Variants in XXYLT1 observed in about 807,000 individuals in gnomAD.
XXYLT1 encodes the protein xyloside xylosyltransferase 1, also known as UDP-xylose:alpha-xyloside alpha-1,3-xylosyltransferase.
A neutral mutation model predicts 28.9 loss-of-function variants in XXYLT1; 20 were observed. The ratio of observed to expected loss-of-function variants is 0.69; its 90% confidence interval spans 0.49 to 1.00. XXYLT1 has a LOEUF of 1.00. Ranked by LOEUF, XXYLT1 falls within the 50% of genes least tolerant of loss-of-function variation. XXYLT1 has a pLI of 0.00. For synonymous variants in XXYLT1, 257 were observed against 253.8 expected, an observed-to-expected ratio of 1.01 and a Z score of -0.12; for missense variants, 542 against 560.1, an observed-to-expected ratio of 0.97 and a Z score of 0.33.
chr3:195,098,739 A>T (rs9853846), intron 3 of XXYLT1, among the ~76,000 whole-genome samples: 78,936 of 152,040 alleles, frequency 0.52, 22,136 homozygotes, highest in East Asian at 0.96. Context: ...TTTTTTTCCT[A>T]TGGGTTCTGA....
chr3:195,082,586 C>T (rs1416309949), intron 3 of XXYLT1, among the ~76,000 whole-genome samples: 1 of 152,196 alleles, frequency 6.6e-6, no homozygotes, highest in Non-Finnish European at 1.5e-5. Flanking sequence ...GGCACGGTGG[C>T]TCACGCCTGT....
chr3:195,150,130 A>G lies in XXYLT1; in HGVS notation c.785+6319T>C, dbSNP rs766828014. ...AGAACTTATCAGTGGCCAAGCTGGG[A>G]CTGTGGATAACGCTGCCACCACCAC... On this transcript the variant is annotated intron_variant, in intron 3 of 3. Transcript: ENST00000310380. The surrounding 1 kb of genome is among the most constrained non-coding windows in gnomAD (Gnocchi z 4.7). Among the ~76,000 whole-genome samples, 12 of 152,010 alleles carry G rather than the reference A, an allele frequency of 7.9e-5. No individual in the cohort carries two copies. The highest frequency in any genetic ancestry group is 1.3e-4 in the Non-Finnish European group (9 of 68,032).
rs767858733 is a variant in XXYLT1, at chr3:195,103,308, A to ACCAGCGACCTGCGTCCATCACCCCACG, written c.786-33224_786-33198dup. ...CAGGAGTGCAGGAATGCACCCCCAC[A>ACCAGCGACCTGCGTCCATCACCCCACG]CCAGCGACCTGCGTCCATCACCCCA... On this transcript the variant is annotated intron_variant, in intron 3 of 3. Transcript: ENST00000310380. 1.5e-3 allele frequency among the ~76,000 whole-genome samples: 189 copies of ACCAGCGACCTGCGTCCATCACCCCACG among 128,788 alleles called. 1 individual carries two copies. Among genetic ancestry groups the ACCAGCGACCTGCGTCCATCACCCCACG allele is most frequent in the Admixed American group, 2.2e-3 (26 of 12,044 alleles). 84.5% of individuals were successfully genotyped at this position (128,788 alleles called of 152,430 possible). A position where few individuals can be genotyped will look rare whatever the true frequency, so the allele number is the denominator to read the frequency against.
chr3:195,196,343 C>T (rs1722623368), intron 2 of XXYLT1, among the ~76,000 whole-genome samples: 1 of 152,230 alleles, frequency 6.6e-6, no homozygotes, highest in Non-Finnish European at 1.5e-5. Context: ...GGGCAAGATG[C>T]TCCCTAGCCC....
rs1293278581 is a variant in XXYLT1, at chr3:195,256,125, C to T, written c.504+14430G>A. Among the ~76,000 whole-genome samples the T allele has an allele frequency of 1.3e-5, 2 of 152,206 alleles. No homozygotes were observed. Among genetic ancestry groups the T allele is most frequent in the African/African-American group, 4.8e-5 (2 of 41,452 alleles). ...ATTCCTGGCTTTGGAGGGACAAGAA[C>T]AAACCGCCAAAATCAACAGGCATCG... On this transcript the variant is annotated intron_variant, in intron 1 of 3. Transcript: ENST00000310380. This position sits in a 1 kb window ranked among gnomAD's most constrained non-coding sequence, Gnocchi z 4.2.
Position 195,121,331 on chromosome 3 carries a change from G to C in XXYLT1, c.785+35118C>G, listed in dbSNP as rs148089782. Among the ~76,000 whole-genome samples the C allele has an allele frequency of 4.1e-3, 621 of 152,314 alleles. 6 individuals are homozygous for C. The highest frequency in any genetic ancestry group is 0.014 in the African/African-American group (592 of 41,562). On this transcript the variant is annotated intron_variant, in intron 3 of 3. Transcript: ENST00000310380. ...GGACAAGATGGTGATGAGAGACGGGGTTCCCTCTTGTACAGAAAGCCTTGG... is the reference window on the plus strand; with the variant it reads ...GGACAAGATGGTGATGAGAGACGGGCTTCCCTCTTGTACAGAAAGCCTTGG...
chr3:195,086,849 G>A (rs1047204825), intron 3 of XXYLT1, among the ~76,000 whole-genome samples: 2 of 152,100 alleles, frequency 1.3e-5, no homozygotes, highest in African/African-American at 4.8e-5. Context: ...AAAGAGCTCC[G>A]GGTCCTGGCT....
At chr3:195,079,703 A>C (rs903234514) in intron 3 of XXYLT1, among the ~76,000 whole-genome samples, 1 of 152,124 alleles carries the variant, frequency 6.6e-6, no homozygotes, top group Non-Finnish European at 1.5e-5. Flanking sequence ...GGGAGCAGAG[A>C]GGGACAGAAG....
chr3:195,101,957 A>AGGGGAGGGGGTGGGGGAG (rs1716803781), intron 3 of XXYLT1, among the ~76,000 whole-genome samples: 1 of 27,078 alleles, frequency 3.7e-5, no homozygotes, highest in African/African-American at 1.7e-4. Flanking sequence ...AAGGGAGGGG[A>AGGGGAGGGGGTGGGGGAG]GGGGAGGGGA....
intron 3 of XXYLT1, 124 bp from the exon 4 acceptor site, chr3:195,070,235 A>C: frequency 5.5e-6 from 7 of 1,277,004 alleles, no homozygotes; most frequent in Non-Finnish European, 7.4e-6. Flanking sequence ...CAGAATCCGC[A>C]TCACTACACC....
At chr3:195,263,465 G>A (rs146809824) in intron 1 of XXYLT1, among the ~76,000 whole-genome samples, 9 of 152,220 alleles carry the variant, frequency 5.9e-5, no homozygotes, top group African/African-American at 2.2e-4. Flanking sequence ...CTCTTGGGAG[G>A]GAGCGAGTTC....
intron 3 of XXYLT1, among the ~76,000 whole-genome samples, chr3:195,106,947 T>C (rs1208077076): frequency 6.6e-6 from 1 of 152,070 alleles, no homozygotes; most frequent in Non-Finnish European, 1.5e-5. Flanking sequence ...GGGCCAAGCA[T>C]CCCACAGACG....
At chr3:195,123,380 A>G (rs1284372744) in intron 3 of XXYLT1, among the ~76,000 whole-genome samples, 1 of 152,088 alleles carries the variant, frequency 6.6e-6, no homozygotes, top group African/African-American at 2.4e-5. Context: ...GGAATTACAG[A>G]GGGCTTAATC....
At chr3:195,072,922 C>T (rs576989144) in intron 3 of XXYLT1, among the ~76,000 whole-genome samples, 3 of 152,300 alleles carry the variant, frequency 2.0e-5, no homozygotes, top group South Asian at 4.1e-4. Context: ...TATTGGAGCT[C>T]GTGCGAGGAA....
rs139866657 is a variant in XXYLT1, at chr3:195,220,279, C to T, written c.652+6430G>A. ...GCCTCAGCCTCCCAAGTAGCTGGGA[C>T]TACAGGCGCCCATCACCACACCTGG... On this transcript the variant is annotated intron_variant, in intron 2 of 3. Coordinates refer to ENST00000310380, the MANE Select transcript of XXYLT1 (RefSeq NM_152531.5). Among the ~76,000 whole-genome samples, 1,351 of 152,258 alleles carry T rather than the reference C, an allele frequency of 8.9e-3. 17 individuals carry two copies. The highest frequency in any genetic ancestry group is 0.025 in the African/African-American group (1,032 of 41,556).
At chr3:195,110,321 AGGGTGAGGTGTG>A (rs1560100793) in intron 3 of XXYLT1, among the ~76,000 whole-genome samples, 4 of 8,204 alleles carry the variant, frequency 4.9e-4, no homozygotes, top group Non-Finnish European at 6.5e-4. Flanking sequence ...TGTGTGGGTG[AGGGTGAGGTGTG>A]TGTATGTGTG....
At position 195,261,777 on chromosome 3, in the gene XXYLT1, A is replaced by G. The variant is rs547218873; in HGVS notation, c.504+8778T>C. On this transcript the variant is annotated intron_variant, in intron 1 of 3. Transcript: ENST00000310380. The stretch of plus-strand genomic sequence containing the variant: ...CTTAGCAACATGTAATCGTCTCATT[A>G]TTTGTCATTAGGGAAATGCAGACCA... Among the ~76,000 whole-genome samples the G allele has an allele frequency of 4.6e-5, 7 of 152,364 alleles. No individual in the cohort carries two copies. In the South Asian group the frequency reaches 1.4e-3, roughly 32 times the overall value.
chr3:195,196,686 G>A (rs1722638888), intron 2 of XXYLT1, among the ~76,000 whole-genome samples: 1 of 152,164 alleles, frequency 6.6e-6, no homozygotes. Context: ...AACTTGCTTG[G>A]GATGCAAACT....
At chr3:195,081,181 C>T (rs1715411041) in intron 3 of XXYLT1, among the ~76,000 whole-genome samples, 1 of 151,880 alleles carries the variant, frequency 6.6e-6, no homozygotes, top group African/African-American at 2.4e-5. Flanking sequence ...TGACAAGCCC[C>T]CAGGGATCGC....
Sources: allele counts gnomAD v4.1 joint callset (sites outside exome capture counted in the v4.1 genomes callset), GRCh38; gene constraint gnomAD v4.1.1; non-coding constraint Gnocchi (gnomAD v3.1); transcripts MANE v1.5; gene names NCBI Gene and HGNC (gene_info 2026-07-23, HGNC 2026-07-21).